RIGI: variants seen among roughly 807,000 people sequenced by gnomAD.
RIGI encodes RNA sensor RIG-I.
the RIGI span, chr9:32,492,436 C>G: frequency 8.7e-6 from 14 of 1,614,164 alleles, no homozygotes; most frequent in Non-Finnish European, 1.1e-5. Context: ...CTTTCTTTCT[C>G]CAAAGCAAGT....
chr9:32,522,526 T>C, the RIGI span, among the ~76,000 whole-genome samples: 465 of 152,332 alleles, frequency 3.1e-3, 2 homozygotes, highest in African/African-American at 0.011. Context: ...AGAGCCCATA[T>C]GGACAATAAT....
At chr9:32,487,613 C>A in the RIGI span, 3 of 1,614,090 alleles carry the variant, frequency 1.9e-6, no homozygotes, top group South Asian at 3.3e-5. Context: ...CAACACCAAC[C>A]GAGGCAGTCA....
chr9:32,491,319 T>A, the RIGI span: 1 of 1,613,282 alleles, frequency 6.2e-7, no homozygotes, highest in Non-Finnish European at 8.5e-7. Context: ...GGACATGAAT[T>A]CTCACTAAGA....
At chr9:32,508,443 A>G in the RIGI span, among the ~76,000 whole-genome samples, 19 of 151,966 alleles carry the variant, frequency 1.3e-4, no homozygotes, top group African/African-American at 4.6e-4. Context: ...TGCAGCCCAC[A>G]GACAGCGAGC....
chr9:32,475,745 C>T, the RIGI span, among the ~76,000 whole-genome samples: 1 of 152,066 alleles, frequency 6.6e-6, no homozygotes, highest in Admixed American at 6.6e-5. Context: ...ATCCTTGTGA[C>T]CTTAGGTAAG....
At chr9:32,519,168 T>C in the RIGI span, among the ~76,000 whole-genome samples, 1 of 152,198 alleles carries the variant, frequency 6.6e-6, no homozygotes, top group Non-Finnish European at 1.5e-5. Context: ...TTCAGGTTGG[T>C]TTCCTGTTTG....
chr9:32,523,269 T>C, the RIGI span, among the ~76,000 whole-genome samples: 43 of 152,152 alleles, frequency 2.8e-4, no homozygotes, highest in Non-Finnish European at 5.9e-5. Flanking sequence ...TCAGTAACAA[T>C]TGCACCCACT....
the RIGI span, chr9:32,481,502 TAAAAAA>T: frequency 1.5e-6 from 2 of 1,347,616 alleles, no homozygotes; most frequent in African/African-American, 1.6e-5. Flanking sequence ...AGTTTTCTGT[TAAAAAA>T]AAAAAAAAAA....
At chr9:32,458,747 C>T in the RIGI span, among the ~76,000 whole-genome samples, 4 of 152,172 alleles carry the variant, frequency 2.6e-5, 1 homozygote, top group African/African-American at 9.6e-5. Context: ...TCTCATATAC[C>T]ACAGCACATT....
At chr9:32,518,385 A>T in the RIGI span, among the ~76,000 whole-genome samples, 3 of 138,748 alleles carry the variant, frequency 2.2e-5, no homozygotes, top group Non-Finnish European at 3.1e-5. Context: ...ATGACTGTTT[A>T]AAAAAAAAAA....
At chr9:32,461,781 C>A in the RIGI span, among the ~76,000 whole-genome samples, 1 of 152,114 alleles carries the variant, frequency 6.6e-6, no homozygotes, top group South Asian at 2.1e-4. Context: ...TACGAAACTA[C>A]TAGCTACCCC....
chr9:32,488,713 T>C, the RIGI span: 1 of 1,532,220 alleles, frequency 6.5e-7, no homozygotes, highest in East Asian at 2.3e-5. Flanking sequence ...AAAAAGAAGT[T>C]GAAGCAACTA....
the RIGI span, among the ~76,000 whole-genome samples, chr9:32,512,907 G>A: frequency 5.3e-5 from 8 of 152,070 alleles, no homozygotes; most frequent in East Asian, 1.2e-3. Flanking sequence ...AAAATCACAA[G>A]CATTCCTATA....
chr9:32,526,171 G>A, the RIGI span: 1,534 of 1,609,528 alleles, frequency 9.5e-4, 2 homozygotes, highest in Admixed American at 1.1e-3. Flanking sequence ...GGTCATGCCG[G>A]CCTCTGCTTG....
At chr9:32,481,206 A>C in the RIGI span, 16 of 860,194 alleles carry the variant, frequency 1.9e-5, no homozygotes, top group Non-Finnish European at 2.4e-5. Context: ...AGTTTGCTTC[A>C]TAAGAACTTT....
the RIGI span, among the ~76,000 whole-genome samples, chr9:32,478,268 C>A: frequency 6.6e-6 from 1 of 152,294 alleles, no homozygotes; most frequent in East Asian, 1.9e-4. Context: ...TGGTCTTGAA[C>A]TCCTGACCTC....
the RIGI span, chr9:32,491,198 C>T: frequency 7.3e-7 from 1 of 1,363,838 alleles, no homozygotes; most frequent in East Asian, 2.5e-5. Context: ...ATTTTCCTTA[C>T]AAAACTTTTC....
the RIGI span, chr9:32,525,942 T>C: frequency 1.2e-6 from 1 of 826,680 alleles, no homozygotes; most frequent in Non-Finnish European, 2.0e-6. Context: ...GCGGAGATCT[T>C]ACCACAAACC....
chr9:32,513,220 C>T, the RIGI span, among the ~76,000 whole-genome samples: 1 of 152,088 alleles, frequency 6.6e-6, no homozygotes, highest in South Asian at 2.1e-4. Flanking sequence ...GAAAAAACTA[C>T]TTTAAAGTTC....
Sources: allele counts gnomAD v4.1 joint callset (sites outside exome capture counted in the v4.1 genomes callset), GRCh38; gene constraint gnomAD v4.1.1; transcripts MANE v1.5; gene names NCBI Gene and HGNC (gene_info 2026-07-23, HGNC 2026-07-21).